ANKRD12: variants seen among roughly 807,000 people sequenced by gnomAD.
The protein encoded by ANKRD12 is ankyrin repeat domain-containing protein 12.
Under a neutral mutation model 183.4 loss-of-function variants are expected in ANKRD12, and 85 were observed. The observed-to-expected ratio is 0.46, with a 90% CI of 0.39 to 0.56. The LOEUF is 0.56. ANKRD12 is among the 20% of genes least tolerant of loss of function. ANKRD12 has a pLI of 0.00. For missense variants in ANKRD12, 2,405 were observed against 2,357.1 expected, an observed-to-expected ratio of 1.02 and a Z score of -0.42; for synonymous variants, 914 against 800.2, an observed-to-expected ratio of 1.14 and a Z score of -2.40.
intron 11 of ANKRD12, among the ~76,000 whole-genome samples, chr18:9,276,409 G>A (rs2039837586): frequency 6.6e-6 from 1 of 152,082 alleles, no homozygotes; most frequent in South Asian, 2.1e-4. Flanking sequence ...GAACTAGATA[G>A]GTAGGTTTCA....
rs148888455 is a variant in ANKRD12, at chr18:9,236,821, C to T, written c.943+14822C>T. On this transcript the variant is annotated intron_variant, in intron 8 of 12. Transcript: ENST00000262126. Reference sequence around the variant, plus strand: ...ATTTGATGAAAACACACATATATACCCCTTGACATACATTGGCCAGATTCT... The same window carrying T: ...ATTTGATGAAAACACACATATATACTCCTTGACATACATTGGCCAGATTCT... Among the ~76,000 whole-genome samples the T allele has an allele frequency of 1.7e-3, 255 of 152,086 alleles. 2 individuals are homozygous for T. The highest frequency in any genetic ancestry group is 5.8e-3 in the African/African-American group (242 of 41,492).
intron 8 of ANKRD12, among the ~76,000 whole-genome samples, chr18:9,243,004 T>A (rs899110133): frequency 6.6e-6 from 1 of 152,234 alleles, no homozygotes; most frequent in Non-Finnish European, 1.5e-5. Flanking sequence ...AATGGAAATT[T>A]AGAAGAGACT....
At chr18:9,189,358 A>C (rs1423772981) in intron 2 of ANKRD12, among the ~76,000 whole-genome samples, 1 of 152,248 alleles carries the variant, frequency 6.6e-6, no homozygotes, top group African/African-American at 2.4e-5. Flanking sequence ...ATAACATAAA[A>C]GTGCAAGGTG....
intron 1 of ANKRD12, among the ~76,000 whole-genome samples, chr18:9,156,627 CAAG>C (rs1229477734): frequency 6.6e-6 from 1 of 152,086 alleles, no homozygotes; most frequent in Non-Finnish European, 1.5e-5. Flanking sequence ...AAGGATTTAT[CAAG>C]AAAACTACAG....
intron 8 of ANKRD12, among the ~76,000 whole-genome samples, chr18:9,247,529 A>G (rs1269627144): frequency 6.6e-6 from 1 of 152,194 alleles, no homozygotes; most frequent in African/African-American, 2.4e-5. Flanking sequence ...GATTAAGTGT[A>G]CTACAATATT....
intron 2 of ANKRD12, among the ~76,000 whole-genome samples, chr18:9,183,597 A>G (rs898521439): frequency 2.0e-5 from 3 of 152,224 alleles, no homozygotes; most frequent in Non-Finnish European, 4.4e-5. Flanking sequence ...TTACTCAATT[A>G]TTAGTTCTAA....
intron 1 of ANKRD12, among the ~76,000 whole-genome samples, chr18:9,170,341 C>T (rs1468178958): frequency 2.0e-5 from 3 of 152,218 alleles, no homozygotes; most frequent in Admixed American, 6.5e-5. Flanking sequence ...CCGTCACTTT[C>T]AGGTAAACCA....
At chr18:9,217,870 A>G (rs1245983444) in intron 7 of ANKRD12, among the ~76,000 whole-genome samples, 1 of 152,198 alleles carries the variant, frequency 6.6e-6, no homozygotes, top group East Asian at 1.9e-4. Context: ...TGTTCAGTAT[A>G]TCCATCATGG....
chr18:9,210,511 A>G (rs2035734935), intron 5 of ANKRD12, among the ~76,000 whole-genome samples: 1 of 151,980 alleles, frequency 6.6e-6, no homozygotes, highest in Non-Finnish European at 1.5e-5. Context: ...ACTTGAGGCC[A>G]GGAGTTTGAG....
intron 10 of ANKRD12, 128 bp from the exon 11 acceptor site, chr18:9,275,396 C>G (rs1671329146): frequency 1.5e-6 from 1 of 665,592 alleles, no homozygotes; most frequent in Admixed American, 2.9e-5. Context: ...TTGCTTGAAC[C>G]CAGGAGGTCA....
At chr18:9,225,487 A>AT (rs1316811325) in intron 8 of ANKRD12, among the ~76,000 whole-genome samples, 1 of 151,792 alleles carries the variant, frequency 6.6e-6, no homozygotes, top group Admixed American at 6.6e-5. Context: ...AAAAAAAAAA[A>AT]AAGTATTCAA....
intron 8 of ANKRD12, among the ~76,000 whole-genome samples, chr18:9,233,644 G>A (rs188638178): frequency 5.9e-5 from 9 of 152,290 alleles, no homozygotes; most frequent in East Asian, 1.9e-4. Context: ...CTGGGTGCGC[G>A]TGATAGTGCA....
chr18:9,282,874 G>A lies in ANKRD12; in HGVS notation c.*1748G>A, dbSNP rs2040153730. On this transcript the variant is annotated 3_prime_UTR_variant, in exon 13 of 13. Coordinates refer to ENST00000262126, the MANE Select transcript of ANKRD12 (RefSeq NM_015208.5). ...AGCACATGTAAAAAAAAAATACACAGTGCAAGGACTTTATTATAAAGGTTG... is the reference window on the plus strand; with the variant it reads ...AGCACATGTAAAAAAAAAATACACAATGCAAGGACTTTATTATAAAGGTTG... The A allele has an allele frequency of 6.6e-6, 1 of 152,412 alleles. No homozygotes were observed. The allele number at this position is 152,412 out of a possible 1,614,324, so 9.4% of individuals were successfully genotyped here.
intron 10 of ANKRD12, among the ~76,000 whole-genome samples, chr18:9,269,408 G>A (rs2039477757): frequency 1.3e-5 from 2 of 152,122 alleles, no homozygotes; most frequent in South Asian, 2.1e-4. Flanking sequence ...CATGGTACTG[G>A]TACCAAAACA....
At chr18:9,230,574 G>T (rs1014067734) in intron 8 of ANKRD12, among the ~76,000 whole-genome samples, 1 of 150,724 alleles carries the variant, frequency 6.6e-6, no homozygotes, top group African/African-American at 2.4e-5. Flanking sequence ...ATATTTATTT[G>T]TGTTTATTGC....
At chr18:9,243,272 A>G (rs776855451) in intron 8 of ANKRD12, among the ~76,000 whole-genome samples, 102 of 152,168 alleles carry the variant, frequency 6.7e-4, no homozygotes, top group Admixed American at 1.6e-3. Context: ...GTTCCTCCCA[A>G]TGATGCCCCA....
Position 9,255,595 on chromosome 18 carries a change from C to T in ANKRD12, c.2328C>T (p.Asn776=). ...KIKDLKEERE[N]IPTDKDSEFT... is the part of the protein sequence containing the mutation. Reference sequence around the variant, plus strand: ...AAGATCTAAAAGAAGAGAGAGAAAACATACCCACAGATAAAGACTCAGAAT... The same window carrying T: ...AAGATCTAAAAGAAGAGAGAGAAAATATACCCACAGATAAAGACTCAGAAT... The change falls in exon 9 of 13, where the codon AAC becomes AAT. Residue 776 remains asparagine, a synonymous_variant. Coordinates refer to ENST00000262126, the MANE Select transcript of ANKRD12 (RefSeq NM_015208.5). 2 of 1,568,572 alleles carry T rather than the reference C, an allele frequency of 1.3e-6. No homozygotes were observed. Among genetic ancestry groups the T allele is most frequent in the East Asian group, 2.3e-5 (1 of 44,168 alleles).
At chr18:9,275,751 A>C in intron 11 of ANKRD12, 84 bp downstream of exon 11, 2 of 1,315,664 alleles carry the variant, frequency 1.5e-6, no homozygotes, top group Non-Finnish European at 2.0e-6. Flanking sequence ...CCATAGAAAG[A>C]ACTTGAACTC....
intron 12 of ANKRD12, 92 bp from the exon 13 acceptor site, chr18:9,280,849 A>C: frequency 8.2e-7 from 1 of 1,214,300 alleles, no homozygotes; most frequent in Non-Finnish European, 1.2e-6. Context: ...TGATGTGTCC[A>C]TTTTAGTTCC....
Sources: gnomAD v4.1 joint callset for allele counts (sites outside exome capture counted in the v4.1 genomes callset) on GRCh38, gnomAD v4.1.1 for gene constraint, MANE v1.5 for transcripts, NCBI Gene and HGNC (gene_info 2026-07-23, HGNC 2026-07-21) for gene names.